The following MAP7 variants were observed in gnomAD, a reference collection of about 807,000 sequenced individuals.
MAP7 encodes the protein microtubule associated protein 7.
Under a neutral mutation model 94.8 loss-of-function variants are expected in MAP7, and 52 were observed. The observed-to-expected ratio is 0.55, with a 90% CI of 0.44 to 0.69. The LOEUF (loss-of-function observed/expected upper bound fraction) is 0.69, where lower values mean the gene tolerates loss of function less well. Among genes scored for constraint, MAP7 ranks in the 30% least tolerant of loss-of-function variants. The pLI is 0.00. For missense variants in MAP7, 940 were observed against 964.6 expected, an observed-to-expected ratio of 0.97 and a Z score of 0.34; for synonymous variants, 350 against 357.0, an observed-to-expected ratio of 0.98 and a Z score of 0.22.
chr6:136,405,564 G>A (rs1785342819), intron 3 of MAP7, among the ~76,000 whole-genome samples: 1 of 152,236 alleles, frequency 6.6e-6, no homozygotes, highest in South Asian at 2.1e-4. Flanking sequence ...TAGCAGGGCT[G>A]AGCCATGGTA....
intron 8 of MAP7, among the ~76,000 whole-genome samples, chr6:136,366,776 C>G (rs897917771): frequency 4.6e-5 from 7 of 152,150 alleles, no homozygotes; most frequent in African/African-American, 4.8e-5. Context: ...GTTTATCCCC[C>G]ACAAATGTCA....
At chr6:136,461,891 T>TAGTC (rs1452877383) in intron 1 of MAP7, among the ~76,000 whole-genome samples, 2 of 152,202 alleles carry the variant, frequency 1.3e-5, no homozygotes, top group Non-Finnish European at 2.9e-5. Context: ...TTATGCTAAG[T>TAGTC]AGTCATATGC....
At chr6:136,446,054 C>T (rs1799232993) in intron 1 of MAP7, among the ~76,000 whole-genome samples, 1 of 152,212 alleles carries the variant, frequency 6.6e-6, no homozygotes, top group Admixed American at 6.5e-5. Flanking sequence ...ACAACCCCTC[C>T]TCATGGTTCG....
rs564862114 is a variant in MAP7, at chr6:136,500,884, G to A, written c.67+49458C>T. The stretch of plus-strand genomic sequence containing the variant: ...ATTATTTGAAGAAAAATCTTTTACA[G>A]TATAACCATTAGTAGATTTTAAAGC... On this transcript the variant is annotated intron_variant, in intron 1 of 17. Transcript: ENST00000354570. Among the ~76,000 whole-genome samples the A allele has an allele frequency of 5.3e-5, 8 of 152,170 alleles. No individual in the cohort carries two copies. In the East Asian group the frequency reaches 1.5e-3, roughly 29 times the overall value.
intron 3 of MAP7, among the ~76,000 whole-genome samples, chr6:136,409,910 G>T (rs2128735861): frequency 6.6e-6 from 1 of 152,242 alleles, no homozygotes; most frequent in South Asian, 2.1e-4. Flanking sequence ...AATATGAATT[G>T]AAATATGGCA....
intron 1 of MAP7, among the ~76,000 whole-genome samples, chr6:136,527,823 A>G (rs1441668455): frequency 6.6e-6 from 1 of 152,154 alleles, no homozygotes; most frequent in African/African-American, 2.4e-5. Context: ...CTAAATTGTG[A>G]GCAAACACAT....
intron 3 of MAP7, among the ~76,000 whole-genome samples, chr6:136,391,876 G>T (rs552507627): frequency 6.6e-6 from 1 of 152,286 alleles, no homozygotes; most frequent in African/African-American, 2.4e-5. Context: ...TTACTGGAAG[G>T]CTTTTAATGA....
At chr6:136,438,977 A>T (rs1797107240) in intron 1 of MAP7, among the ~76,000 whole-genome samples, 2 of 152,240 alleles carry the variant, frequency 1.3e-5, no homozygotes, top group African/African-American at 2.4e-5. Context: ...ACAGGTGTTC[A>T]GAAAGTTACA....
intron 1 of MAP7, among the ~76,000 whole-genome samples, chr6:136,453,013 C>T (rs1258364798): frequency 6.6e-6 from 1 of 152,126 alleles, no homozygotes; most frequent in South Asian, 2.1e-4. Flanking sequence ...TGGAACTGAA[C>T]CCAAAGTATC....
intron 1 of MAP7, among the ~76,000 whole-genome samples, chr6:136,433,233 T>C (rs1215871636): frequency 6.6e-6 from 1 of 152,254 alleles, no homozygotes; most frequent in East Asian, 1.9e-4. Flanking sequence ...TCTATTTTAG[T>C]CTACTTTTCA....
At chr6:136,539,921 G>GT (rs1192233895) in intron 1 of MAP7, among the ~76,000 whole-genome samples, 2 of 152,212 alleles carry the variant, frequency 1.3e-5, no homozygotes, top group African/African-American at 4.8e-5. Context: ...CAAGGCTGTA[G>GT]TAAGTCAGGA....
intron 10 of MAP7, 108 bp downstream of exon 10, chr6:136,365,627 A>G (rs765289104): frequency 7.3e-6 from 9 of 1,231,898 alleles, no homozygotes; most frequent in Non-Finnish European, 9.0e-6. Context: ...TTAGAGTAAA[A>G]TTTCCAAGTC....
At chr6:136,468,598 A>G (rs1356043518) in intron 1 of MAP7, among the ~76,000 whole-genome samples, 3 of 152,234 alleles carry the variant, frequency 2.0e-5, no homozygotes, top group Admixed American at 2.0e-4. Flanking sequence ...ATTAGGCTAT[A>G]GTTGGCAAAA....
chr6:136,451,849 A>C (rs998275497), intron 1 of MAP7, among the ~76,000 whole-genome samples: 1 of 152,226 alleles, frequency 6.6e-6, no homozygotes, highest in African/African-American at 2.4e-5. Context: ...AAACAGCAAG[A>C]GAACTAGAAT....
At position 136,365,997 on chromosome 6, in the gene MAP7, A is replaced by C; in HGVS notation, c.1011T>G (p.Pro337=). 2 of 1,611,424 alleles carry C rather than the reference A, an allele frequency of 1.2e-6. No homozygotes were observed. The highest frequency in any genetic ancestry group is 4.5e-5 in the East Asian group (2 of 44,884). Residue 337 remains proline, a synonymous_variant, in exon 10 of 18, where the codon CCT becomes CCG. Transcript: ENST00000354570. ...SRLWLPSKSL[P]HLPGTPRPTS... is the part of the protein sequence containing the mutation. ...TCGGTCTGGGTGTGCCAGGCAAATG[A>C]GGAAGAGACTTGGACGGAAGCCTGG... is the stretch of plus-strand genomic sequence containing the variant.
intron 1 of MAP7, among the ~76,000 whole-genome samples, chr6:136,424,827 T>A (rs1022491357): frequency 4.6e-5 from 7 of 152,114 alleles, no homozygotes; most frequent in Non-Finnish European, 8.8e-5. Context: ...CCATCCTGAG[T>A]TTAAATCTCA....
chr6:136,437,796 C>G (rs952160581), intron 1 of MAP7, among the ~76,000 whole-genome samples: 1 of 152,096 alleles, frequency 6.6e-6, no homozygotes. Flanking sequence ...CTTGACTTTA[C>G]CAAAAAGCTT....
intron 2 of MAP7, among the ~76,000 whole-genome samples, chr6:136,413,262 C>T (rs1488230915): frequency 1.3e-5 from 2 of 152,186 alleles, no homozygotes; most frequent in South Asian, 4.1e-4. Flanking sequence ...GGTGCAGTGG[C>T]TCATGCCTCT....
chr6:136,451,580 G>A (rs181785552), intron 1 of MAP7, among the ~76,000 whole-genome samples: 64 of 152,256 alleles, frequency 4.2e-4, no homozygotes, highest in African/African-American at 1.5e-3. Context: ...AAGTAATTCT[G>A]ACTCTCAAGT....
Sources: allele counts gnomAD v4.1 joint callset (sites outside exome capture counted in the v4.1 genomes callset), GRCh38; gene constraint gnomAD v4.1.1; transcripts MANE v1.5; gene names NCBI Gene and HGNC (gene_info 2026-07-23, HGNC 2026-07-21).